The following DOCK11 variants were observed in gnomAD, a reference collection of about 807,000 sequenced individuals.
DOCK11 encodes the protein dedicator of cytokinesis 11.
Under a neutral mutation model 169.1 loss-of-function variants are expected in DOCK11, and 70 were observed. The observed-to-expected ratio is 0.41, with a 90% CI of 0.34 to 0.51. The LOEUF (loss-of-function observed/expected upper bound fraction) is 0.51. Ranked by LOEUF, DOCK11 falls within the 20% of genes least tolerant of loss-of-function variation. The pLI, the probability that DOCK11 is intolerant of heterozygous loss-of-function variation, is 0.10. For synonymous variants in DOCK11, 529 were observed against 541.3 expected (o/e 0.98, Z 0.32); for missense variants, 1,166 against 1,538.8 (o/e 0.76, Z 4.05).
intron 40 of DOCK11, among the ~76,000 whole-genome samples, chrX:118,646,636 T>C (rs1437646117): frequency 8.9e-6 from 1 of 111,806 alleles, no homozygotes; most frequent in South Asian, 3.7e-4. Flanking sequence ...GGTAGAAGAC[T>C]TAGTGTAGTG....
intron 50 of DOCK11, among the ~76,000 whole-genome samples, 193 bp from the exon 51 acceptor site, chrX:118,681,497 AACTT>A (rs1270461037): frequency 8.9e-6 from 1 of 112,827 alleles, no homozygotes; most frequent in Non-Finnish European, 1.9e-5. Flanking sequence ...AGAAATCACT[AACTT>A]ACTAGAATAT....
chrX:118,521,632 C>T (rs1283137120), intron 1 of DOCK11, among the ~76,000 whole-genome samples: 1 of 112,425 alleles, frequency 8.9e-6, no homozygotes, highest in African/African-American at 3.2e-5. Context: ...CTTTGTAGTT[C>T]ACGCAATAGT....
chrX:118,597,330 T>C, intron 20 of DOCK11, 101 bp from the exon 21 acceptor site: 1 of 1,086,543 alleles, frequency 9.2e-7, no homozygotes, highest in Non-Finnish European at 1.3e-6. Flanking sequence ...TACAGATCCC[T>C]GGAGACATCA....
At chrX:118,516,540 C>T (rs1057424379) in intron 1 of DOCK11, among the ~76,000 whole-genome samples, 13 of 109,144 alleles carry the variant, frequency 1.2e-4, no homozygotes, top group Admixed American at 6.9e-4. Flanking sequence ...CCCCTGAGTT[C>T]AAGCAATTCT....
intron 1 of DOCK11, among the ~76,000 whole-genome samples, chrX:118,537,816 G>A (rs2011811011): frequency 1.8e-5 from 2 of 111,785 alleles, no homozygotes; most frequent in South Asian, 7.4e-4. Context: ...GAAGTGGACT[G>A]CAACTGAATC....
Position 118,677,616 on chromosome X carries a change from A to C in DOCK11, c.5460+879A>C, listed in dbSNP as rs138042928. 3.5e-4 allele frequency among the ~76,000 whole-genome samples: 40 copies of C among 112,807 alleles called. No homozygotes were observed. In the East Asian group the frequency reaches 9.1e-3, roughly 26 times the overall value. ...GAAAAAGCCCATGGCTATTGTAAAG[A>C]CACTTCATTGTCTACCACGAAAATA... On this transcript the variant is annotated intron_variant, in intron 48 of 52. Coordinates refer to ENST00000276202, the MANE Select transcript of DOCK11 (RefSeq NM_144658.4).
chrX:118,669,443 G>C, intron 45 of DOCK11, among the ~76,000 whole-genome samples: 1 of 111,941 alleles, frequency 8.9e-6, no homozygotes, highest in Non-Finnish European at 1.9e-5. Flanking sequence ...TGAAGATAAA[G>C]GTGTTAGCCG....
chrX:118,658,949 G>A (rs1286896371), intron 44 of DOCK11, among the ~76,000 whole-genome samples: 1 of 111,552 alleles, frequency 9.0e-6, no homozygotes, highest in Non-Finnish European at 1.9e-5. Context: ...CCAGAAAAAG[G>A]AATTTCCTTT....
At chrX:118,555,757 C>T (rs773719772) in intron 6 of DOCK11, among the ~76,000 whole-genome samples, 1 of 110,126 alleles carries the variant, frequency 9.1e-6, no homozygotes, top group Non-Finnish European at 1.9e-5. Flanking sequence ...CATTTTTGTG[C>T]AGAACAGTTC....
chrX:118,647,519 A>G (rs1350401062), intron 40 of DOCK11, among the ~76,000 whole-genome samples: 1 of 64,828 alleles, frequency 1.5e-5, no homozygotes, highest in African/African-American at 7.1e-5. Flanking sequence ...TAATAATATA[A>G]TATATAATAT....
intron 1 of DOCK11, among the ~76,000 whole-genome samples, chrX:118,528,256 AC>A (rs1449607488): frequency 8.9e-6 from 1 of 112,018 alleles, no homozygotes; most frequent in Non-Finnish European, 1.9e-5. Flanking sequence ...AAGCCGCCCC[AC>A]CCCTGGCACC....
At position 118,572,449 on chromosome X, in the gene DOCK11, G is replaced by A; in HGVS notation, c.1162G>A (p.Gly388Arg). 5.0e-6 allele frequency: 6 copies of A among 1,203,172 alleles called. No individual in the cohort carries two copies. Among genetic ancestry groups the A allele is most frequent in the Non-Finnish European group, 6.7e-6 (6 of 890,318 alleles). Residue 388 changes from glycine to arginine, a missense_variant, in exon 11 of 53, where the codon GGA (glycine) becomes AGA (arginine). Gly to Arg is a moderately radical substitution (Grantham distance 125). Transcript: ENST00000276202. ...GGGCCAAATTGGAGACAATGCAAAAGGACCACCCACAAATGTATGTATGAC... is the reference window on the plus strand; with the variant it reads ...GGGCCAAATTGGAGACAATGCAAAAAGACCACCCACAAATGTATGTATGAC... ...ILGQIGDNAK[G>R]PPTNVEPFFI...
intron 1 of DOCK11, among the ~76,000 whole-genome samples, chrX:118,529,546 G>C (rs2011460292): frequency 8.9e-6 from 1 of 111,791 alleles, no homozygotes. Flanking sequence ...CCATGGATTT[G>C]TACTTTGCTC....
At chrX:118,565,960 A>G (rs2013065384) in intron 7 of DOCK11, 45 bp from the exon 8 acceptor site, 9 of 1,141,814 alleles carry the variant, frequency 7.9e-6, no homozygotes, top group Non-Finnish European at 1.1e-5. Flanking sequence ...CTAATAGTAA[A>G]AGGACAACTA....
intron 44 of DOCK11, among the ~76,000 whole-genome samples, chrX:118,657,250 A>G (rs1406775281): frequency 1.8e-5 from 2 of 111,685 alleles, no homozygotes; most frequent in African/African-American, 6.5e-5. Flanking sequence ...TATATATTTC[A>G]TAATACCCTC....
intron 22 of DOCK11, among the ~76,000 whole-genome samples, chrX:118,598,409 A>C (rs1432879892): frequency 9.1e-6 from 1 of 109,446 alleles, no homozygotes; most frequent in African/African-American, 3.3e-5. Flanking sequence ...AAAAAAAAAA[A>C]CAGTCATTCT....
At chrX:118,595,664 C>T (rs6646243) in intron 20 of DOCK11, among the ~76,000 whole-genome samples, 30,523 of 111,018 alleles carry the variant, frequency 0.27, 3,050 homozygotes, top group East Asian at 0.39. Context: ...AGATGCTCAG[C>T]GGAGCATGAA....
At chrX:118,568,370 T>TTTTATATA (rs2013145635) in intron 10 of DOCK11, among the ~76,000 whole-genome samples, 1 of 36,758 alleles carries the variant, frequency 2.7e-5, no homozygotes, top group African/African-American at 8.9e-5. Context: ...TGGGGCTGAA[T>TTTTATATA]TATATATATA....
At chrX:118,609,906 T>C (rs5909552) in intron 27 of DOCK11, among the ~76,000 whole-genome samples, 55,801 of 111,327 alleles carry the variant, frequency 0.5, 10,760 homozygotes, top group East Asian at 0.86. Flanking sequence ...AATTATTTTT[T>C]ATCAGAATTT....
Sources: gnomAD v4.1 joint callset for allele counts (sites outside exome capture counted in the v4.1 genomes callset) on GRCh38, gnomAD v4.1.1 for gene constraint, MANE v1.5 for transcripts, NCBI Gene and HGNC (gene_info 2026-07-23, HGNC 2026-07-21) for gene names.